The following SKAP2 variants were observed in gnomAD, a reference collection of about 807,000 sequenced individuals.
The protein encoded by SKAP2 is src kinase associated phosphoprotein 2, also known as src kinase-associated phosphoprotein 2.
A neutral mutation model predicts 54.9 loss-of-function variants in SKAP2; 28 were observed. The ratio of observed to expected loss-of-function variants is 0.51; its 90% CI spans 0.38 to 0.70. The LOEUF is 0.70. SKAP2 is among the 30% of genes least tolerant of loss of function. The pLI is 0.00. For synonymous variants in SKAP2, 137 were observed against 134.3 expected (o/e 1.02, Z -0.14); for missense variants, 356 against 424.1 (o/e 0.84, Z 1.41).
chr7:26,796,510 C>T (rs1483323814), intron 4 of SKAP2, among the ~76,000 whole-genome samples: 1 of 152,196 alleles, frequency 6.6e-6, no homozygotes, highest in South Asian at 2.1e-4. Flanking sequence ...GTGATGCTAA[C>T]AGTACCTCTG....
intron 1 of SKAP2, 99 bp downstream of exon 1, chr7:26,864,264 G>A: frequency 1.4e-6 from 2 of 1,433,716 alleles, no homozygotes. Context: ...GGGAAGCGCG[G>A]GGAGGGAGGA....
At position 26,759,451 on chromosome 7, in the gene SKAP2, C is replaced by T. The variant is rs7796269; in HGVS notation, c.308-19487G>A. On this transcript the variant is annotated intron_variant, in intron 4 of 12. Coordinates refer to ENST00000345317, the MANE Select transcript of SKAP2 (RefSeq NM_003930.5). ...GTTTGCTCAATCCACACAGTTAATC[C>T]CTCTTCATCTGCTTGAGCCCTCTCT... Among the ~76,000 whole-genome samples, 20 of 152,132 alleles carry T rather than the reference C, an allele frequency of 1.3e-4. No individual in the cohort carries two copies. The East Asian group carries it at 2.9e-3, about 22-fold the overall frequency.
At chr7:26,821,075 A>G (rs1784375949) in intron 4 of SKAP2, among the ~76,000 whole-genome samples, 2 of 152,238 alleles carry the variant, frequency 1.3e-5, no homozygotes, top group South Asian at 4.1e-4. Context: ...ATTTGACGAC[A>G]ACAGTACTAT....
chr7:26,758,261 T>TA (rs1340091296), intron 4 of SKAP2, among the ~76,000 whole-genome samples: 1 of 152,144 alleles, frequency 6.6e-6, no homozygotes, highest in East Asian at 1.9e-4. Flanking sequence ...ACTATACATT[T>TA]AAAATTTTAT....
At chr7:26,678,840 A>G (rs1187961877) in intron 11 of SKAP2, among the ~76,000 whole-genome samples, 1 of 152,140 alleles carries the variant, frequency 6.6e-6, no homozygotes, top group Non-Finnish European at 1.5e-5. Context: ...TCAGTAGTCT[A>G]TCTCTAGTCT....
chr7:26,837,176 G>A (rs987419870), intron 4 of SKAP2, among the ~76,000 whole-genome samples: 1 of 152,110 alleles, frequency 6.6e-6, no homozygotes, highest in African/African-American at 2.4e-5. Flanking sequence ...CACACACCAT[G>A]GCCTGTCAGG....
At chr7:26,826,143 G>A (rs987937566) in intron 4 of SKAP2, among the ~76,000 whole-genome samples, 2 of 121,856 alleles carry the variant, frequency 1.6e-5, no homozygotes, top group African/African-American at 5.8e-5. Context: ...ACACACACAC[G>A]CCACAGTGAT....
intron 11 of SKAP2, among the ~76,000 whole-genome samples, chr7:26,684,219 A>C (rs1355992622): frequency 6.6e-6 from 1 of 152,188 alleles, no homozygotes; most frequent in Non-Finnish European, 1.5e-5. Flanking sequence ...TTGTTTACAA[A>C]TATAGTATGC....
intron 9 of SKAP2, among the ~76,000 whole-genome samples, chr7:26,708,345 A>G (rs2282906): frequency 0.51 from 78,043 of 151,930 alleles, 21,419 homozygotes; most frequent in East Asian, 0.88. Context: ...CTTCCTTTGG[A>G]AAGTCTTTTT....
chr7:26,692,382 G>A (rs1326586054), intron 9 of SKAP2, among the ~76,000 whole-genome samples: 1 of 152,156 alleles, frequency 6.6e-6, no homozygotes, highest in East Asian at 1.9e-4. Context: ...CTGGGCAACT[G>A]CAAAGTATGG....
intron 9 of SKAP2, among the ~76,000 whole-genome samples, chr7:26,706,038 T>C (rs1257159648): frequency 6.6e-6 from 1 of 152,172 alleles, no homozygotes; most frequent in Non-Finnish European, 1.5e-5. Context: ...TCAATGTTTT[T>C]TATTGTATAA....
chr7:26,815,665 C>A (rs3801828), intron 4 of SKAP2, among the ~76,000 whole-genome samples: 32,044 of 151,766 alleles, frequency 0.21, 3,433 homozygotes, highest in Non-Finnish European at 0.24. Flanking sequence ...AAGTGGAAGA[C>A]GAGTGGGAGG....
intron 6 of SKAP2, among the ~76,000 whole-genome samples, chr7:26,731,248 A>G (rs1787819190): frequency 6.6e-6 from 1 of 152,184 alleles, no homozygotes; most frequent in Non-Finnish European, 1.5e-5. Flanking sequence ...TGAGTCTAGG[A>G]AACCAAATTT....
At chr7:26,676,909 G>T (rs1786361351) in intron 11 of SKAP2, among the ~76,000 whole-genome samples, 1 of 152,208 alleles carries the variant, frequency 6.6e-6, no homozygotes, top group East Asian at 1.9e-4. Context: ...TACATGGCAG[G>T]CGTGAAGGCC....
intron 3 of SKAP2, among the ~76,000 whole-genome samples, chr7:26,849,107 A>C (rs962949705): frequency 1.1e-4 from 17 of 152,334 alleles, no homozygotes; most frequent in Non-Finnish European, 2.4e-4. Context: ...AAAACACACT[A>C]TGTTAGGAAG....
At chr7:26,818,774 C>T (rs1249008260) in intron 4 of SKAP2, among the ~76,000 whole-genome samples, 6 of 152,184 alleles carry the variant, frequency 3.9e-5, no homozygotes, top group Admixed American at 3.3e-4. Flanking sequence ...TATGAACAGA[C>T]ATTTCCCAAA....
Position 26,810,078 on chromosome 7 carries a change from G to A in SKAP2, c.307+33952C>T, listed in dbSNP as rs562942114. On this transcript the variant is annotated intron_variant, in intron 4 of 12. Transcript: ENST00000345317. The stretch of plus-strand genomic sequence containing the variant: ...GGGCTGGGCACAGTGGTTCGCACCC[G>A]TAATCTCAGTGTTTTGGAAGGCTGA... 2.0e-5 allele frequency among the ~76,000 whole-genome samples: 3 copies of A among 152,200 alleles called. No homozygotes were observed. In the South Asian group the frequency reaches 6.2e-4, roughly 32 times the overall value.
At chr7:26,857,794 G>T in intron 1 of SKAP2, 1 of 929,448 alleles carries the variant, frequency 1.1e-6, no homozygotes, top group Non-Finnish European at 1.3e-6. Context: ...AGAGTCTTGG[G>T]CGAATCAAGT....
chr7:26,737,296 T>G (rs954343075), intron 6 of SKAP2, among the ~76,000 whole-genome samples: 1 of 152,240 alleles, frequency 6.6e-6, no homozygotes, highest in Non-Finnish European at 1.5e-5. Flanking sequence ...TTTTCTGACC[T>G]ACTTCACTAC....
Sources: gnomAD v4.1 joint callset for allele counts (sites outside exome capture counted in the v4.1 genomes callset) on GRCh38, gnomAD v4.1.1 for gene constraint, MANE v1.5 for transcripts, NCBI Gene and HGNC (gene_info 2026-07-23, HGNC 2026-07-21) for gene names.